Variants in CNTN4 observed in about 807,000 individuals in gnomAD.
CNTN4 encodes the protein contactin 4.
CNTN4 carries 77 observed loss-of-function variants against 122.5 expected under a neutral mutation model. The ratio of observed to expected loss-of-function variants is 0.63; its 90% CI spans 0.52 to 0.76. The LOEUF (loss-of-function observed/expected upper bound fraction) is 0.76. Among genes scored for constraint, CNTN4 ranks in the 30% least tolerant of loss-of-function variants. CNTN4 has a pLI of 0.00. For missense variants in CNTN4, 1,256 were observed against 1,259.1 expected (o/e 1.00, Z 0.04); for synonymous variants, 512 against 447.0 (o/e 1.15, Z -1.83).
Position 2,661,852 on chromosome 3 carries a change from A to G in CNTN4, c.56-74363A>G, listed in dbSNP as rs540651094. Among the ~76,000 whole-genome samples, 11 of 149,986 alleles carry G rather than the reference A, an allele frequency of 7.3e-5. 1 individual carries two copies. The South Asian group carries it at 2.3e-3, about 32-fold the overall frequency. On this transcript the variant is annotated intron_variant, in intron 4 of 24. Transcript: ENST00000418658. ...AAAAAAATCCTGCATCATCCTGATG[A>G]TGTTCATTATCATATAGAAATTTTA...
intron 4 of CNTN4, among the ~76,000 whole-genome samples, chr3:2,683,723 G>A (rs770648529): frequency 6.6e-6 from 1 of 152,122 alleles, no homozygotes; most frequent in African/African-American, 2.4e-5. Flanking sequence ...TTGAGCAAAG[G>A]TAAACACATA....
At chr3:2,642,688 T>C (rs1295109531) in intron 4 of CNTN4, among the ~76,000 whole-genome samples, 1 of 152,156 alleles carries the variant, frequency 6.6e-6, no homozygotes, top group East Asian at 1.9e-4. Flanking sequence ...ATGAATCCCC[T>C]CCTTAATGTC....
chr3:2,458,665 G>A (rs2049089553), intron 3 of CNTN4, among the ~76,000 whole-genome samples: 2 of 151,974 alleles, frequency 1.3e-5, no homozygotes, highest in South Asian at 2.1e-4. Context: ...TGAATTTTGT[G>A]ATTTCTTTTC....
At chr3:2,829,757 C>T (rs1408948422) in intron 7 of CNTN4, among the ~76,000 whole-genome samples, 1 of 152,134 alleles carries the variant, frequency 6.6e-6, no homozygotes, top group East Asian at 1.9e-4. Flanking sequence ...AAGTAACGAA[C>T]GTTTCCTGGT....
chr3:2,449,619 A>C (rs1054396973), intron 3 of CNTN4, among the ~76,000 whole-genome samples: 79 of 65,244 alleles, frequency 1.2e-3, no homozygotes, highest in Non-Finnish European at 1.5e-3. Context: ...CATCTCAAAA[A>C]AAAAAAAAAA....
intron 3 of CNTN4, among the ~76,000 whole-genome samples, chr3:2,445,825 A>T (rs559215321): frequency 6.6e-6 from 1 of 152,030 alleles, no homozygotes; most frequent in African/African-American, 2.4e-5. Context: ...TCTCCACCAC[A>T]TCCTCTTTTA....
intron 3 of CNTN4, among the ~76,000 whole-genome samples, chr3:2,475,379 A>T (rs2075808561): frequency 6.6e-6 from 1 of 152,192 alleles, no homozygotes; most frequent in South Asian, 2.1e-4. Context: ...CTTACTCAAG[A>T]GGGTAAGGAT....
intron 3 of CNTN4, among the ~76,000 whole-genome samples, chr3:2,420,974 T>G (rs1339414023): frequency 2.0e-5 from 3 of 152,182 alleles, no homozygotes; most frequent in Non-Finnish European, 4.4e-5. Flanking sequence ...CAGTTGCATT[T>G]TAAATGATCC....
Position 2,924,591 on chromosome 3 carries a change from A to G in CNTN4, c.1208-1038A>G, listed in dbSNP as rs988632868. ...ATTTTACTTTTGTGCGAATACAAATATGTATCTTTTGTTTTAGGAAAGAAA... is the reference window on the plus strand; with the variant it reads ...ATTTTACTTTTGTGCGAATACAAATGTGTATCTTTTGTTTTAGGAAAGAAA... On this transcript the variant is annotated intron_variant, in intron 12 of 24. Transcript: ENST00000418658. Among the ~76,000 whole-genome samples the G allele has an allele frequency of 2.6e-5, 4 of 152,332 alleles. No homozygotes were observed. The South Asian group carries it at 6.2e-4, about 24-fold the overall frequency.
chr3:2,840,575 T>G lies in CNTN4; in HGVS notation c.454+20994T>G. 2.9e-5 allele frequency among the ~76,000 whole-genome samples: 2 copies of G among 68,470 alleles called. 1 individual carries two copies. Among genetic ancestry groups the G allele is most frequent in the Non-Finnish European group, 7.5e-5 (2 of 26,524 alleles). The allele number at this position is 68,470 out of a possible 152,430, so 44.9% of individuals were successfully genotyped here. On this transcript the variant is annotated intron_variant, in intron 7 of 24. Coordinates refer to ENST00000418658, the MANE Select transcript of CNTN4 (RefSeq NM_175607.3). ...TTAGCCGGGCGCGGTGATGGGCGCCTGTAGTCCCAGCTACTCGGGAGGCTG... is the reference window on the plus strand; with the variant it reads ...TTAGCCGGGCGCGGTGATGGGCGCCGGTAGTCCCAGCTACTCGGGAGGCTG...
chr3:3,052,923 G>A (rs1219639807), intron 23 of CNTN4, among the ~76,000 whole-genome samples: 1 of 152,194 alleles, frequency 6.6e-6, no homozygotes, highest in Non-Finnish European at 1.5e-5. Flanking sequence ...CCTGGCTTGT[G>A]CTCTAACCTT....
At chr3:2,154,247 T>TG (rs1285285467) in intron 2 of CNTN4, among the ~76,000 whole-genome samples, 6 of 151,728 alleles carry the variant, frequency 4.0e-5, no homozygotes, top group Admixed American at 6.6e-5. Context: ...TAACCGGATG[T>TG]GGTGGTGGGC....
Position 2,385,633 on chromosome 3 carries a change from T to C in CNTN4, c.-89+46400T>C, listed in dbSNP as rs1444883588. ...CAGCTTCTGTTAGCCCCAGTTGTTC[T>C]GCAGCTTGTGGGAGCATAACTCCAA... On this transcript the variant is annotated intron_variant, in intron 3 of 24. Transcript: ENST00000418658. The surrounding 1 kb of genome is among the most constrained non-coding windows in gnomAD (Gnocchi z 4.0). Among the ~76,000 whole-genome samples, 1 of 152,110 alleles carries C rather than the reference T, an allele frequency of 6.6e-6. No individual in the cohort carries two copies. The highest frequency in any genetic ancestry group is 2.4e-5 in the African/African-American group (1 of 41,448).
chr3:2,511,227 C>G (rs2076877288), intron 3 of CNTN4: 1 of 152,214 alleles, frequency 6.6e-6, no homozygotes, highest in Non-Finnish European at 1.5e-5. Flanking sequence ...ATAAATTGCC[C>G]ATTGGGAAAG....
At chr3:2,548,602 G>A (rs548333388) in intron 3 of CNTN4, among the ~76,000 whole-genome samples, 1 of 152,194 alleles carries the variant, frequency 6.6e-6, no homozygotes, top group Admixed American at 6.5e-5. Context: ...TTGAAGTCAG[G>A]TAGCATGATA....
chr3:2,506,024 T>TA (rs1177545772), intron 3 of CNTN4, among the ~76,000 whole-genome samples: 2 of 152,150 alleles, frequency 1.3e-5, no homozygotes, highest in Non-Finnish European at 2.9e-5. Context: ...GCTTTTTTTT[T>TA]TCTAATGTAA....
chr3:2,148,003 T>C (rs560387325), intron 2 of CNTN4, among the ~76,000 whole-genome samples: 5 of 152,258 alleles, frequency 3.3e-5, no homozygotes, highest in African/African-American at 1.2e-4. Context: ...CTACTTCTAT[T>C]GATGTTGATT....
rs1466645573 is a variant in CNTN4 at position 3,053,927 on chromosome 3, G to A, written c.2932G>A (p.Gly978Arg). The A allele has an allele frequency of 6.2e-6, 10 of 1,614,080 alleles. No homozygotes were observed. Among genetic ancestry groups the A allele is most frequent in the African/African-American group, 1.3e-5 (1 of 75,024 alleles). ...AATAGAAATTAAGCCATTCAGCGAC[G>A]GAGGAGATGGCAGCAGCAGTGAACA... is the stretch of plus-strand genomic sequence containing the variant. ...YIIEIKPFSDGGDGSSSEQIR... is the reference protein window; with the variant it reads ...YIIEIKPFSDRGDGSSSEQIR... The change falls in exon 24 of 25, where the codon GGA (glycine) becomes AGA (arginine). Residue 978 changes from glycine to arginine, a missense_variant. By Grantham distance (125) the Gly-to-Arg change is moderately radical. Transcript: ENST00000418658.
At chr3:2,867,284 C>T (rs2093734995) in intron 8 of CNTN4, among the ~76,000 whole-genome samples, 1 of 152,138 alleles carries the variant, frequency 6.6e-6, no homozygotes, top group Non-Finnish European at 1.5e-5. Context: ...GAACAATTAG[C>T]TCATTAATCA....
Sources: gnomAD v4.1 joint callset for allele counts (sites outside exome capture counted in the v4.1 genomes callset) on GRCh38, gnomAD v4.1.1 for gene constraint, Gnocchi (gnomAD v3.1) non-coding constraint, MANE v1.5 for transcripts, NCBI Gene and HGNC (gene_info 2026-07-23, HGNC 2026-07-21) for gene names.